Variants in TMEM17 observed in about 807,000 individuals in gnomAD.
TMEM17 encodes transmembrane protein 17.
Under a neutral mutation model 19.1 loss-of-function variants are expected in TMEM17, and 15 were observed. That is an observed-to-expected ratio of 0.78 (90% CI 0.52 to 1.21). The LOEUF (loss-of-function observed/expected upper bound fraction) is 1.21. Ranked by LOEUF, TMEM17 falls within the 50% of genes most tolerant of loss-of-function variation. The probability of loss-of-function intolerance (pLI) is 0.00; values close to 1 mark genes in which losing one functional copy is unlikely to be tolerated. For missense variants in TMEM17, 245 were observed against 242.3 expected, an observed-to-expected ratio of 1.01 and a Z score of -0.07; for synonymous variants, 103 against 86.9, an observed-to-expected ratio of 1.19 and a Z score of -1.03.
the TMEM17 span, among the ~76,000 whole-genome samples, chr2:62,475,889 G>T: frequency 6.6e-6 from 1 of 152,052 alleles, no homozygotes; most frequent in Admixed American, 6.5e-5. Flanking sequence ...CCATGTTGTG[G>T]AATGTGTGGA....
the TMEM17 span, among the ~76,000 whole-genome samples, chr2:62,478,211 T>C: frequency 6.6e-6 from 1 of 152,212 alleles, no homozygotes; most frequent in Non-Finnish European, 1.5e-5. Context: ...CTCCCTATCC[T>C]GAGGGATGCC....
the TMEM17 span, among the ~76,000 whole-genome samples, chr2:62,455,628 G>A: frequency 0.14 from 20,656 of 152,154 alleles, 1,499 homozygotes; most frequent in Middle Eastern, 0.23. Context: ...TTAGCTGGGT[G>A]TGGTGGTGGG....
chr2:62,493,614 G>T, the TMEM17 span, among the ~76,000 whole-genome samples: 4 of 152,194 alleles, frequency 2.6e-5, no homozygotes, highest in African/African-American at 9.7e-5. Context: ...AGAAGGGTGT[G>T]TGTGCGCATG....
At chr2:62,478,553 T>C in the TMEM17 span, among the ~76,000 whole-genome samples, 1 of 152,200 alleles carries the variant, frequency 6.6e-6, no homozygotes, top group South Asian at 2.1e-4. Flanking sequence ...TGAAAAGGGC[T>C]CTTGCTTGAT....
the TMEM17 span, among the ~76,000 whole-genome samples, chr2:62,478,253 C>T: frequency 1.3e-5 from 2 of 152,200 alleles, no homozygotes; most frequent in Admixed American, 6.5e-5. Flanking sequence ...CTCATGTTTT[C>T]CTGAATCCAT....
chr2:62,474,469 A>T, the TMEM17 span, among the ~76,000 whole-genome samples: 1 of 152,232 alleles, frequency 6.6e-6, no homozygotes, highest in Non-Finnish European at 1.5e-5. Context: ...GTCTTTCTTC[A>T]GGCCATGAAA....
the TMEM17 span, among the ~76,000 whole-genome samples, chr2:62,488,048 T>A: frequency 6.6e-6 from 1 of 152,216 alleles, no homozygotes; most frequent in African/African-American, 2.4e-5. Context: ...GCCACGGTGT[T>A]CAGTCTATTT....
At chr2:62,456,467 C>A in the TMEM17 span, among the ~76,000 whole-genome samples, 438 of 152,350 alleles carry the variant, frequency 2.9e-3, 2 homozygotes, top group African/African-American at 9.7e-3. Flanking sequence ...TCTTCCTCTG[C>A]CTCTCTTTTA....
chr2:62,486,084 T>C, the TMEM17 span, among the ~76,000 whole-genome samples: 1 of 152,214 alleles, frequency 6.6e-6, no homozygotes, highest in African/African-American at 2.4e-5. Context: ...ACCTGCTGAT[T>C]TGCAAAAGAA....
At chr2:62,481,006 A>T in the TMEM17 span, among the ~76,000 whole-genome samples, 6 of 152,180 alleles carry the variant, frequency 3.9e-5, no homozygotes, top group Non-Finnish European at 7.3e-5. Flanking sequence ...GGCTTGGAGT[A>T]GTATGGTCAT....
chr2:62,484,719 A>G, the TMEM17 span, among the ~76,000 whole-genome samples: 3 of 151,984 alleles, frequency 2.0e-5, no homozygotes, highest in Non-Finnish European at 2.9e-5. Context: ...TCCAGCTTCT[A>G]TTTGAGGGTT....
chr2:62,494,142 C>T, the TMEM17 span, among the ~76,000 whole-genome samples: 3 of 152,186 alleles, frequency 2.0e-5, no homozygotes, highest in African/African-American at 4.8e-5. Context: ...TTATCTTTTT[C>T]GTCCTGGAGT....
the TMEM17 span, chr2:62,491,092 A>AAC: frequency 6.6e-6 from 1 of 151,882 alleles, no homozygotes; most frequent in African/African-American, 2.4e-5. Context: ...AAAAAAAAAA[A>AAC]AAAAAAAAAA....
At chr2:62,499,862 A>G (rs1487032677), downstream of TMEM17, among the ~76,000 whole-genome samples, 1 of 152,226 alleles carries the variant, frequency 6.6e-6, no homozygotes, top group African/African-American at 2.4e-5. Context: ...TAATGTTCAG[A>G]TACACCCAAG....
chr2:62,460,043 T>C, the TMEM17 span, among the ~76,000 whole-genome samples: 5 of 152,114 alleles, frequency 3.3e-5, no homozygotes, highest in Non-Finnish European at 7.4e-5. Context: ...ATGATGAAAA[T>C]AGGGGAGAGT....
At chr2:62,473,968 A>G in the TMEM17 span, among the ~76,000 whole-genome samples, 2 of 152,168 alleles carry the variant, frequency 1.3e-5, no homozygotes, top group Admixed American at 1.3e-4. Flanking sequence ...AGAGACGAGA[A>G]GGACTCTGCA....
At chr2:62,458,844 C>T in the TMEM17 span, among the ~76,000 whole-genome samples, 1 of 152,198 alleles carries the variant, frequency 6.6e-6, no homozygotes, top group East Asian at 1.9e-4. Flanking sequence ...TGTGTTTGTC[C>T]TCTCTAATCA....
the TMEM17 span, among the ~76,000 whole-genome samples, chr2:62,471,884 G>A: frequency 3.5e-4 from 54 of 152,214 alleles, no homozygotes; most frequent in South Asian, 2.1e-4. Flanking sequence ...GACTATAGTC[G>A]TCTATGGTGT....
chr2:62,458,704 T>C, the TMEM17 span, among the ~76,000 whole-genome samples: 2 of 152,182 alleles, frequency 1.3e-5, no homozygotes, highest in African/African-American at 4.8e-5. Flanking sequence ...CCAGGATAAG[T>C]TGGGCCTTCT....
Sources: allele counts gnomAD v4.1 joint callset (sites outside exome capture counted in the v4.1 genomes callset), GRCh38; gene constraint gnomAD v4.1.1; transcripts MANE v1.5; gene names NCBI Gene and HGNC (gene_info 2026-07-23, HGNC 2026-07-21).